Variants in CCDC22 observed in about 807,000 individuals in gnomAD.
CCDC22 encodes the protein coiled-coil domain-containing protein 22.
CCDC22 carries 4 observed loss-of-function variants against 53.1 expected under a neutral mutation model. The ratio of observed to expected loss-of-function variants is 0.08; its 90% CI spans 0.04 to 0.17. The LOEUF (loss-of-function observed/expected upper bound fraction) is 0.17, where lower values mean the gene tolerates loss of function less well. CCDC22 is among the 10% of genes least tolerant of loss of function. The probability of loss-of-function intolerance (pLI) is 1.00; values close to 1 mark genes in which losing one functional copy is unlikely to be tolerated. For missense variants in CCDC22, 458 were observed against 554.0 expected (o/e 0.83, Z 1.74); for synonymous variants, 222 against 224.4 (o/e 0.99, Z 0.10).
At chrX:49,240,217 C>T (rs1557113205) in intron 2 of CCDC22, among the ~76,000 whole-genome samples, 6 of 95,193 alleles carry the variant, frequency 6.3e-5, no homozygotes, top group Non-Finnish European at 2.1e-5. Flanking sequence ...TGCGCCACTG[C>T]ACTCTAGCTT....
Position 49,250,492 on chromosome X carries a change from A to G in CCDC22, c.*231A>G. The G allele has an allele frequency of 2.1e-6, 1 of 485,138 alleles. No homozygotes were observed. The highest frequency in any genetic ancestry group is 3.7e-6 in the Non-Finnish European group (1 of 268,277). The allele number at this position is 485,138 out of a possible 1,213,427, so 40.0% of individuals were successfully genotyped here. ...CGGTACTGTGGGTTGGGGGCCTTGG[A>G]TCCCAAATAAATGAGTAGTTCCTCT... On this transcript the variant is annotated 3_prime_UTR_variant, in exon 17 of 17. Coordinates refer to ENST00000376227, the MANE Select transcript of CCDC22 (RefSeq NM_014008.5).
Position 49,249,517 on chromosome X carries a change from G to A in CCDC22, c.1644G>A (p.Lys548=). The change falls in exon 15 of 17, where the codon AAG becomes AAA. Residue 548 remains lysine, a synonymous_variant. Coordinates refer to ENST00000376227, the MANE Select transcript of CCDC22 (RefSeq NM_014008.5). The stretch of plus-strand genomic sequence containing the variant: ...TCCCTGTGTCTGGTCAGGATGCCAA[G>A]AAGGACGATGCTGTTCGGAAGGCCT... ...VTDELVFKDA[K]KDDAVRKAYK... is the part of the protein sequence containing the mutation. 8.3e-7 allele frequency: 1 copy of A among 1,204,246 alleles called. No individual in the cohort carries two copies. Among genetic ancestry groups the A allele is most frequent in the Non-Finnish European group, 1.1e-6 (1 of 892,518 alleles).
chrX:49,248,750 G>A lies in CCDC22; in HGVS notation c.1431+16G>A. 2 of 1,208,358 alleles carry A rather than the reference G, an allele frequency of 1.7e-6. No homozygotes were observed. The highest frequency in any genetic ancestry group is 3.0e-5 in the East Asian group (1 of 33,739). ...TAAGCAGCTGGTAAGGCCTGTGTGA[G>A]GGACCTGGGTAGCTTAGGAGGGTGG... On this transcript the variant is annotated intron_variant, in intron 12 of 16. Transcript: ENST00000376227.
chrX:49,247,767 A>C lies in CCDC22; in HGVS notation c.1091A>C (p.Gln364Pro). Residue 364 changes from glutamine to proline, a missense_variant and splice_region_variant, in exon 9 of 17, where the codon CAG (glutamine) becomes CCG (proline). Gln to Pro is a moderately conservative substitution (Grantham distance 76). Around this residue, in one of 4 missense-constraint regions of CCDC22, gnomAD observed 309 missense variants for 312.3 expected, o/e 0.99. Coordinates refer to ENST00000376227, the MANE Select transcript of CCDC22 (RefSeq NM_014008.5). ...AAGACCCTGGGCGTCAGCTTTGTGC[A>C]GGTAAGGGGCGGAGGAGGGGCTGCG... ...DMKTLGVSFV[Q>P]AESECRHSKL... is the part of the protein sequence containing the mutation. The C allele has an allele frequency of 8.3e-7, 1 of 1,211,101 alleles. No individual in the cohort carries two copies. Among genetic ancestry groups the C allele is most frequent in the Non-Finnish European group, 1.1e-6 (1 of 895,182 alleles).
intron 12 of CCDC22, 27 bp from the exon 13 acceptor site, chrX:49,248,790 G>A: frequency 8.3e-7 from 1 of 1,206,457 alleles, no homozygotes; most frequent in Non-Finnish European, 1.1e-6. Context: ...ATGGTCCTGG[G>A]GCAGTGCCTG....
intron 9 of CCDC22, 38 bp from the exon 10 acceptor site, chrX:49,248,153 T>C: frequency 8.3e-7 from 1 of 1,197,813 alleles, no homozygotes; most frequent in Non-Finnish European, 1.1e-6. Context: ...TGGAGCTCCA[T>C]GGGGGCTGTG....
Position 49,249,733 on chromosome X carries a change from C to T in CCDC22, c.1770+8C>T. 2 of 1,196,123 alleles carry T rather than the reference C, an allele frequency of 1.7e-6. No homozygotes were observed. The highest frequency in any genetic ancestry group is 2.3e-6 in the Non-Finnish European group (2 of 883,109). On this transcript the variant is annotated splice_region_variant and intron_variant, in intron 16 of 16. Transcript: ENST00000376227. Reference sequence around the variant, plus strand: ...CGAGACCTCGAGGAGCAGGTGAGGCCTGGGGGCAGGATGGGGAGCCAAGGC... The same window carrying T: ...CGAGACCTCGAGGAGCAGGTGAGGCTTGGGGGCAGGATGGGGAGCCAAGGC...
chrX:49,248,579 A>G, intron 11 of CCDC22, 54 bp from the exon 12 acceptor site: 6 of 1,197,958 alleles, frequency 5.0e-6, no homozygotes, highest in Non-Finnish European at 6.8e-6. Flanking sequence ...GTCCCTCTCT[A>G]GGGGGCCATC....
intron 1 of CCDC22, 124 bp from the exon 2 acceptor site, chrX:49,236,962 C>A: frequency 2.1e-6 from 1 of 476,504 alleles, no homozygotes; most frequent in Non-Finnish European, 3.4e-6. Context: ...CATCCAGGAT[C>A]TGTCTGAACT....
At chrX:49,239,600 C>T (rs6520412) in intron 2 of CCDC22, among the ~76,000 whole-genome samples, 56,869 of 109,049 alleles carry the variant, frequency 0.52, 13,180 homozygotes, top group Non-Finnish European at 0.72. Context: ...CTTATGCAGT[C>T]TCTGTCTCTT....
chrX:49,246,324 C>T (rs1753960255), intron 6 of CCDC22, among the ~76,000 whole-genome samples: 1 of 112,162 alleles, frequency 8.9e-6, no homozygotes, highest in South Asian at 3.7e-4. Context: ...CAGATTTTCC[C>T]ATTATCTTGA....
intron 6 of CCDC22, among the ~76,000 whole-genome samples, chrX:49,245,592 C>T (rs2065985326): frequency 1.8e-5 from 2 of 111,442 alleles, no homozygotes; most frequent in Admixed American, 9.5e-5. Context: ...AGGATGGTCT[C>T]GATCTCTTGA....
At chrX:49,239,773 G>C (rs2065954870) in intron 2 of CCDC22, among the ~76,000 whole-genome samples, 1 of 110,713 alleles carries the variant, frequency 9.0e-6, no homozygotes, top group Admixed American at 9.6e-5. Context: ...CACTTAATAG[G>C]GGGGAAGTTA....
chrX:49,235,580 C>T lies in CCDC22; in HGVS notation c.-57C>T. On this transcript the variant is annotated 5_prime_UTR_variant, in exon 1 of 17. Coordinates refer to ENST00000376227, the MANE Select transcript of CCDC22 (RefSeq NM_014008.5). Reference sequence around the variant, plus strand: ...ACGGAGCAGGGTTTCTACAGCTGCTCCCCACTTTCTCGGACCCGGTCCTGG... The same window carrying T: ...ACGGAGCAGGGTTTCTACAGCTGCTTCCCACTTTCTCGGACCCGGTCCTGG... The T allele has an allele frequency of 2.8e-6, 3 of 1,058,478 alleles. No individual in the cohort carries two copies. Among genetic ancestry groups the T allele is most frequent in the Non-Finnish European group, 3.9e-6 (3 of 773,097 alleles). The allele number at this position is 1,058,478 out of a possible 1,213,427, so 87.2% of individuals were successfully genotyped here.
In CCDC22 at chrX:49,242,475, G is replaced by T. The variant is rs183685823; in HGVS notation, c.361+327G>T. ...CTCAAACATACCCCAGTACACTCCC[G>T]CCTCTGCACCTTTGTATCGTTGGTT... is the stretch of plus-strand genomic sequence containing the variant. On this transcript the variant is annotated intron_variant, in intron 3 of 16. Transcript: ENST00000376227. 484 of 206,361 alleles carry T rather than the reference G, an allele frequency of 2.3e-3. 5 individuals carry two copies. The highest frequency in any genetic ancestry group is 0.014 in the African/African-American group (454 of 32,461). The allele number at this position is 206,361 out of a possible 1,213,427, so 17.0% of individuals were successfully genotyped here.
At chrX:49,248,792 C>T in intron 12 of CCDC22, 25 bp from the exon 13 acceptor site, 1 of 1,206,677 alleles carries the variant, frequency 8.3e-7, no homozygotes, top group Non-Finnish European at 1.1e-6. Flanking sequence ...GGTCCTGGGG[C>T]AGTGCCTGCT....
In CCDC22 at chrX:49,243,261, G is replaced by C. The variant is rs376936166; in HGVS notation, c.536-23G>C. ...ATAGCGTTGCCATGCGGCAGGGCCA[G>C]CTGACTCTGTTCCTGCCTCCAGAGC... is the stretch of plus-strand genomic sequence containing the variant. On this transcript the variant is annotated intron_variant, in intron 5 of 16. Transcript: ENST00000376227. 1.5e-4 allele frequency: 180 copies of C among 1,197,999 alleles called. No individual in the cohort carries two copies. The African/African-American group carries it at 2.7e-3, about 18-fold the overall frequency.
chrX:49,238,368 T>G (rs1437197961), intron 2 of CCDC22, among the ~76,000 whole-genome samples: 1 of 111,316 alleles, frequency 9.0e-6, no homozygotes, highest in African/African-American at 3.3e-5. Flanking sequence ...CGTGAGCCAC[T>G]GCGCCCGGCC....
chrX:49,245,650 C>T (rs944389484), intron 6 of CCDC22, among the ~76,000 whole-genome samples: 2 of 112,444 alleles, frequency 1.8e-5, no homozygotes, highest in Admixed American at 9.4e-5. Flanking sequence ...TGATTACAGG[C>T]GTGAGCCACC....
Sources: gnomAD v4.1 joint callset for allele counts (sites outside exome capture counted in the v4.1 genomes callset) on GRCh38, gnomAD v4.1.1 for gene constraint, gnomAD v4.1.1 regional missense constraint, MANE v1.5 for transcripts, NCBI Gene and HGNC (gene_info 2026-07-23, HGNC 2026-07-21) for gene names.